PARVA: variants seen among roughly 807,000 people sequenced by gnomAD.
PARVA encodes the protein alpha-parvin.
In PARVA, 25 loss-of-function variants were observed where a neutral mutation model predicts 52.6. That is an observed-to-expected ratio of 0.48 (90% confidence interval 0.35 to 0.66). The LOEUF is 0.66. Among genes scored for constraint, PARVA ranks in the 30% least tolerant of loss-of-function variants. The probability of loss-of-function intolerance (pLI) is 0.01; values close to 1 mark genes in which losing one functional copy is unlikely to be tolerated. For synonymous variants in PARVA, 185 were observed against 179.1 expected, an observed-to-expected ratio of 1.03 and a Z score of -0.26; for missense variants, 373 against 450.9, an observed-to-expected ratio of 0.83 and a Z score of 1.56.
intron 1 of PARVA, among the ~76,000 whole-genome samples, chr11:12,381,848 C>T (rs935100703): frequency 6.6e-6 from 1 of 152,168 alleles, no homozygotes; most frequent in Non-Finnish European, 1.5e-5. Context: ...TGGTACACAT[C>T]AAGCAATTCA....
intron 1 of PARVA, among the ~76,000 whole-genome samples, chr11:12,444,246 T>A (rs1940513100): frequency 1.3e-5 from 2 of 152,016 alleles, no homozygotes; most frequent in South Asian, 4.2e-4. Context: ...TGGTAAGAGG[T>A]GGGTCAGTGG....
intron 4 of PARVA, 122 bp from the exon 5 acceptor site, chr11:12,496,336 A>G: frequency 3.0e-6 from 3 of 1,012,882 alleles, no homozygotes; most frequent in South Asian, 1.7e-5. Flanking sequence ...TCCAGTATCT[A>G]TTGTTGCAAG....
chr11:12,393,888 C>T (rs2134957361), intron 1 of PARVA, among the ~76,000 whole-genome samples: 1 of 152,232 alleles, frequency 6.6e-6, no homozygotes, highest in South Asian at 2.1e-4. Context: ...AATAGTAGCT[C>T]AGAGGTCTGG....
intron 3 of PARVA, 119 bp downstream of exon 3, chr11:12,474,102 C>G: frequency 1.3e-6 from 1 of 776,302 alleles, no homozygotes; most frequent in Non-Finnish European, 2.2e-6. Context: ...TCATGGCAGC[C>G]CCTGCCTCAG....
chr11:12,399,099 C>T (rs746948755), intron 1 of PARVA, among the ~76,000 whole-genome samples: 4 of 152,202 alleles, frequency 2.6e-5, no homozygotes, highest in East Asian at 1.9e-4. Flanking sequence ...CCAAGATTGT[C>T]GGTTCCAAAA....
intron 6 of PARVA, among the ~76,000 whole-genome samples, chr11:12,508,120 AAAC>A (rs1282520349): frequency 8.0e-6 from 1 of 124,966 alleles, no homozygotes; most frequent in Non-Finnish European, 1.6e-5. Flanking sequence ...AAAAAAAAAA[AAAC>A]CAAAAAAAAA....
chr11:12,420,834 A>G (rs1213959402), intron 1 of PARVA, among the ~76,000 whole-genome samples: 2 of 152,160 alleles, frequency 1.3e-5, no homozygotes, highest in East Asian at 3.9e-4. Flanking sequence ...CCATGTTCAC[A>G]CAGCTAGTAA....
rs1257562442 is a variant in PARVA, at chr11:12,527,720, T to C, written c.1043-129T>C. The stretch of plus-strand genomic sequence containing the variant: ...CCTGCTCTGAATTCTCGCTGCCCAC[T>C]CTACCCATCTGCCCCGAACATGCTG... On this transcript the variant is annotated intron_variant, in intron 12 of 12. Transcript: ENST00000334956. The C allele has an allele frequency of 2.0e-5, 15 of 747,892 alleles. No homozygotes were observed. The East Asian group carries it at 3.7e-4, about 18-fold the overall frequency. The allele number at this position is 747,892 out of a possible 1,614,324, so 46.3% of individuals were successfully genotyped here.
At chr11:12,433,727 C>T (rs973325230) in intron 1 of PARVA, among the ~76,000 whole-genome samples, 4 of 152,042 alleles carry the variant, frequency 2.6e-5, no homozygotes, top group East Asian at 1.9e-4. Flanking sequence ...GTAAGAGCCC[C>T]GAAAAAGGCC....
intron 1 of PARVA, among the ~76,000 whole-genome samples, chr11:12,421,768 A>G (rs527385054): frequency 6.6e-5 from 10 of 152,370 alleles, no homozygotes; most frequent in Admixed American, 4.6e-4. Flanking sequence ...TGTACACTCC[A>G]TTCCTTAATC....
At chr11:12,410,123 G>T (rs1026685527) in intron 1 of PARVA, among the ~76,000 whole-genome samples, 1 of 152,200 alleles carries the variant, frequency 6.6e-6, no homozygotes, top group Non-Finnish European at 1.5e-5. Context: ...ATCCAGGAGG[G>T]CAGGAGAGAC....
intron 1 of PARVA, among the ~76,000 whole-genome samples, chr11:12,460,943 G>A (rs1940768831): frequency 6.6e-6 from 1 of 152,158 alleles, no homozygotes; most frequent in African/African-American, 2.4e-5. Flanking sequence ...CTCAACCCTG[G>A]AAGAGTACGC....
At position 12,527,833 on chromosome 11, in the gene PARVA, TTTG is replaced by T; in HGVS notation, c.1043-13_1043-11del. On this transcript the variant is annotated splice_polypyrimidine_tract_variant and intron_variant, in intron 12 of 12. Coordinates refer to ENST00000334956, the MANE Select transcript of PARVA (RefSeq NM_018222.5). ...GGCCCCATGGAAACAATTGGTGTTT[TTTG>T]TTTTCTACGCAGACATAGTCAACTG... is the stretch of plus-strand genomic sequence containing the variant. 1 of 1,605,610 alleles carries T rather than the reference TTTG, an allele frequency of 6.2e-7. No homozygotes were observed. Among genetic ancestry groups the T allele is most frequent in the Non-Finnish European group, 8.5e-7 (1 of 1,172,236 alleles).
intron 1 of PARVA, among the ~76,000 whole-genome samples, chr11:12,410,162 C>G (rs1316641513): frequency 1.3e-5 from 2 of 152,230 alleles, no homozygotes; most frequent in Non-Finnish European, 2.9e-5. Flanking sequence ...GGATTAGGCT[C>G]TCAGCCCTAG....
At chr11:12,464,759 C>T (rs774843714) in intron 1 of PARVA, among the ~76,000 whole-genome samples, 5 of 152,128 alleles carry the variant, frequency 3.3e-5, no homozygotes, top group Non-Finnish European at 7.3e-5. Flanking sequence ...CAAACTTAAT[C>T]CCCAATGTGG....
chr11:12,519,505 T>A (rs924227835), intron 12 of PARVA, among the ~76,000 whole-genome samples: 1 of 152,092 alleles, frequency 6.6e-6, no homozygotes, highest in Non-Finnish European at 1.5e-5. Flanking sequence ...ATGGGAACTG[T>A]TACGAAAGAG....
At chr11:12,520,275 A>G (rs544159098) in intron 12 of PARVA, among the ~76,000 whole-genome samples, 1 of 152,330 alleles carries the variant, frequency 6.6e-6, no homozygotes, top group South Asian at 2.1e-4. Flanking sequence ...GTAAAGGGGA[A>G]TGGAAATAGC....
At chr11:12,403,475 G>A (rs1939858160) in intron 1 of PARVA, among the ~76,000 whole-genome samples, 1 of 152,234 alleles carries the variant, frequency 6.6e-6, no homozygotes, top group Non-Finnish European at 1.5e-5. Flanking sequence ...TCCACTGTGT[G>A]CGTGGGAGGT....
At chr11:12,388,340 C>T (rs1334313464) in intron 1 of PARVA, among the ~76,000 whole-genome samples, 1 of 152,250 alleles carries the variant, frequency 6.6e-6, no homozygotes, top group East Asian at 1.9e-4. Flanking sequence ...TTGCTTGGAA[C>T]AGGCCAGCCT....
Sources: gnomAD v4.1 joint callset for allele counts (sites outside exome capture counted in the v4.1 genomes callset) on GRCh38, gnomAD v4.1.1 for gene constraint, MANE v1.5 for transcripts, NCBI Gene and HGNC (gene_info 2026-07-23, HGNC 2026-07-21) for gene names.